CPB2: variants seen among roughly 807,000 people sequenced by gnomAD.
CPB2 encodes carboxypeptidase B-like protein.
In CPB2, 54 loss-of-function variants were observed where a neutral mutation model predicts 57.0. The observed-to-expected ratio is 0.95, with a 90% confidence interval of 0.76 to 1.19. The LOEUF is 1.19. Ranked by LOEUF, CPB2 falls within the 50% of genes most tolerant of loss-of-function variation. The pLI is 0.00. For missense variants in CPB2, 426 were observed against 512.0 expected (o/e 0.83, Z 1.62); for synonymous variants, 189 against 178.1 (o/e 1.06, Z -0.49).
chr13:46,081,342 T>C (rs942448912), intron 4 of CPB2, among the ~76,000 whole-genome samples: 4 of 152,196 alleles, frequency 2.6e-5, no homozygotes, highest in Non-Finnish European at 5.9e-5. Flanking sequence ...ACCAAACTTA[T>C]CACAGCAGTG....
chr13:46,056,473 G>A (rs957179299), intron 9 of CPB2, among the ~76,000 whole-genome samples: 2 of 152,018 alleles, frequency 1.3e-5, no homozygotes, highest in Non-Finnish European at 1.5e-5. Flanking sequence ...GGAACTTTTC[G>A]GAAATTGGAA....
At chr13:46,102,592 GTT>G (rs11328126) in intron 1 of CPB2, among the ~76,000 whole-genome samples, 55 of 116,300 alleles carry the variant, frequency 4.7e-4, no homozygotes, top group Middle Eastern at 8.8e-3. Context: ...CAGACTGTTA[GTT>G]TTTTTTTTTT....
At chr13:46,100,373 A>T (rs2045419184) in intron 1 of CPB2, 1 of 152,208 alleles carries the variant, frequency 6.6e-6, no homozygotes, top group Admixed American at 6.5e-5. Context: ...GATGAGGGTC[A>T]GTCAGATCAC....
chr13:46,061,318 T>A (rs2044769615), intron 8 of CPB2, among the ~76,000 whole-genome samples: 1 of 152,236 alleles, frequency 6.6e-6, no homozygotes, highest in Non-Finnish European at 1.5e-5. Context: ...TTAGAAAATG[T>A]GTGGTGCTAT....
intron 5 of CPB2, among the ~76,000 whole-genome samples, chr13:46,077,475 A>G (rs1248418982): frequency 6.6e-6 from 1 of 152,134 alleles, no homozygotes; most frequent in East Asian, 1.9e-4. Flanking sequence ...CACTGTTGGT[A>G]GGAATGTAAA....
chr13:46,099,722 T>A (rs1467228149), intron 1 of CPB2: 1 of 152,164 alleles, frequency 6.6e-6, no homozygotes, highest in African/African-American at 2.4e-5. Context: ...TGGTAGATAA[T>A]CTATTATATT....
At chr13:46,056,826 T>TC (rs1207145633) in intron 9 of CPB2, among the ~76,000 whole-genome samples, 2 of 152,090 alleles carry the variant, frequency 1.3e-5, no homozygotes, top group South Asian at 2.1e-4. Flanking sequence ...TTGTAGTTTT[T>TC]CCCCCCCTTA....
chr13:46,102,744 T>A (rs1489304410), intron 1 of CPB2, among the ~76,000 whole-genome samples: 5 of 151,984 alleles, frequency 3.3e-5, no homozygotes, highest in African/African-American at 4.8e-5. Context: ...GGTAAAAAAA[T>A]TTATTTTTAC....
At chr13:46,058,505 G>T in intron 8 of CPB2, 124 bp from the exon 9 acceptor site, 1 of 744,498 alleles carries the variant, frequency 1.3e-6, no homozygotes, top group Non-Finnish European at 2.2e-6. Flanking sequence ...ATTAGGTAGG[G>T]CTCTGCAAAG....
intron 1 of CPB2, among the ~76,000 whole-genome samples, chr13:46,102,556 A>AAC (rs1491128226): frequency 6.8e-6 from 1 of 148,038 alleles, no homozygotes; most frequent in Non-Finnish European, 1.5e-5. Flanking sequence ...AAAAAAAAAA[A>AAC]ACAAAGAACA....
At chr13:46,059,949 AT>A (rs2044748815) in intron 8 of CPB2, among the ~76,000 whole-genome samples, 1 of 152,210 alleles carries the variant, frequency 6.6e-6, no homozygotes, top group Non-Finnish European at 1.5e-5. Context: ...TGGATAAACC[AT>A]TTTTGATAGT....
chr13:46,071,372 T>G (rs2044940158), intron 6 of CPB2, among the ~76,000 whole-genome samples: 1 of 152,194 alleles, frequency 6.6e-6, no homozygotes, highest in African/African-American at 2.4e-5. Flanking sequence ...CTTCTAACAT[T>G]CCTTGTTGCT....
chr13:46,096,439 G>A (rs1593919950), intron 1 of CPB2: 1 of 152,214 alleles, frequency 6.6e-6, no homozygotes, highest in East Asian at 1.9e-4. Context: ...GGAAGAGGAA[G>A]TCTGATACAT....
rs778240801 is a variant in CPB2 at position 46,064,642 on chromosome 13, A to G, written c.796+6T>C. 136 of 1,612,206 alleles carry G rather than the reference A, an allele frequency of 8.4e-5. No homozygotes were observed. The East Asian group carries it at 3.0e-3, about 35-fold the overall frequency. Reference sequence around the variant, plus strand: ...GACATTGCAAGAAATAAAGCCAACAACCTACCACACCAGTGTTTGGAAGCA... The same window carrying G: ...GACATTGCAAGAAATAAAGCCAACAGCCTACCACACCAGTGTTTGGAAGCA... On this transcript the variant is annotated splice_donor_region_variant and intron_variant, in intron 8 of 10. Transcript: ENST00000181383.
rs1007041217 is a variant in CPB2 at position 46,053,461 on chromosome 13, G to A, written c.*153C>T. 3 of 1,191,348 alleles carry A rather than the reference G, an allele frequency of 2.5e-6. No individual in the cohort carries two copies. The highest frequency in any genetic ancestry group is 2.9e-5 in the Admixed American group (1 of 34,590). 73.8% of individuals were successfully genotyped at this position (1,191,348 alleles called of 1,614,324 possible). A position where few individuals can be genotyped will look rare whatever the true frequency, so the allele number is the denominator to read the frequency against. On this transcript the variant is annotated 3_prime_UTR_variant, in exon 11 of 11. Coordinates refer to ENST00000181383, the MANE Select transcript of CPB2 (RefSeq NM_001872.5). ...AACCCTAGTCTGCCTTAATGGCAAA[G>A]TAGCACTTATTAGGTTCTCTGACAG...
At chr13:46,092,296 C>T (rs528907326) in intron 1 of CPB2, among the ~76,000 whole-genome samples, 1 of 151,952 alleles carries the variant, frequency 6.6e-6, no homozygotes, top group East Asian at 1.9e-4. Flanking sequence ...GATTAGATCT[C>T]GGAACAGAAA....
At chr13:46,060,601 T>G (rs910102522) in intron 8 of CPB2, among the ~76,000 whole-genome samples, 3 of 152,214 alleles carry the variant, frequency 2.0e-5, no homozygotes, top group Non-Finnish European at 4.4e-5. Context: ...TTTTTCATAC[T>G]AAGCCTTCAA....
chr13:46,086,970 A>C (rs951871597), intron 2 of CPB2, among the ~76,000 whole-genome samples: 1 of 152,220 alleles, frequency 6.6e-6, no homozygotes, highest in African/African-American at 2.4e-5. Context: ...ACTCGGAGAG[A>C]CCAGACAGTG....
intron 6 of CPB2, 143 bp downstream of exon 6, chr13:46,073,730 G>A (rs952556130): frequency 9.7e-6 from 5 of 517,448 alleles, no homozygotes; most frequent in Non-Finnish European, 9.6e-6. Context: ...AAGTCACCTG[G>A]GAAACTTGTG....
Sources: gnomAD v4.1 joint callset for allele counts (sites outside exome capture counted in the v4.1 genomes callset) on GRCh38, gnomAD v4.1.1 for gene constraint, MANE v1.5 for transcripts, NCBI Gene and HGNC (gene_info 2026-07-23, HGNC 2026-07-21) for gene names.